Variants in ESRRG observed in about 807,000 individuals in gnomAD.
ESRRG encodes estrogen-related receptor gamma.
In ESRRG, 13 loss-of-function variants were observed where a neutral mutation model predicts 44.0. The observed-to-expected ratio is 0.30, with a 90% CI of 0.19 to 0.47. The LOEUF is 0.47. ESRRG is among the 20% of genes least tolerant of loss of function. The probability of loss-of-function intolerance (pLI) is 1.00; values close to 1 mark genes in which losing one functional copy is unlikely to be tolerated. For synonymous variants in ESRRG, 215 were observed against 214.6 expected, an observed-to-expected ratio of 1.00 and a Z score of -0.02; for missense variants, 395 against 580.6, an observed-to-expected ratio of 0.68 and a Z score of 3.29.
intron 5 of ESRRG, among the ~76,000 whole-genome samples, chr1:216,545,862 G>A (rs1298445349): frequency 2.0e-5 from 3 of 151,766 alleles, no homozygotes; most frequent in African/African-American, 2.4e-5. Context: ...TGTACTGCTC[G>A]GTCACAGAGT....
intron 2 of ESRRG, among the ~76,000 whole-genome samples, chr1:216,747,128 C>G (rs187299782): frequency 6.6e-6 from 1 of 152,146 alleles, no homozygotes; most frequent in African/African-American, 2.4e-5. Context: ...CACCCCTAAT[C>G]TGATTTTACC....
At chr1:216,855,752 G>A (rs1002697016) in intron 2 of ESRRG, among the ~76,000 whole-genome samples, 1 of 152,134 alleles carries the variant, frequency 6.6e-6, no homozygotes, top group Admixed American at 6.5e-5. Flanking sequence ...CGAGATAAAT[G>A]CAGCTGCAAA....
At chr1:217,044,417 C>T (rs1037817002) in intron 1 of ESRRG, among the ~76,000 whole-genome samples, 21 of 152,110 alleles carry the variant, frequency 1.4e-4, no homozygotes, top group African/African-American at 4.3e-4. Flanking sequence ...CAATTGTATC[C>T]CATTGCAAGT....
At chr1:216,718,152 G>A (rs898904273) in intron 1 of ESRRG, among the ~76,000 whole-genome samples, 5 of 151,868 alleles carry the variant, frequency 3.3e-5, no homozygotes, top group African/African-American at 1.2e-4. Context: ...AATCAGATCT[G>A]TAAATACCTG....
At chr1:216,948,476 C>CAAAAAAAA (rs5780948) in intron 1 of ESRRG, among the ~76,000 whole-genome samples, 1 of 103,388 alleles carries the variant, frequency 9.7e-6, no homozygotes. Context: ...GACTCCATCT[C>CAAAAAAAA]AAAAAAAAAA....
chr1:216,611,979 G>A (rs2060741644), intron 3 of ESRRG, among the ~76,000 whole-genome samples: 1 of 152,152 alleles, frequency 6.6e-6, no homozygotes, highest in South Asian at 2.1e-4. Flanking sequence ...CCTAAAGAAG[G>A]CTAGGGAGAG....
intron 2 of ESRRG, among the ~76,000 whole-genome samples, chr1:216,824,072 G>A (rs560557335): frequency 1.3e-5 from 2 of 152,256 alleles, no homozygotes; most frequent in Admixed American, 6.5e-5. Context: ...TCTGTAAAAT[G>A]ACTTTCTTTC....
intron 1 of ESRRG, among the ~76,000 whole-genome samples, chr1:216,996,034 C>CA (rs907013949): frequency 3.9e-4 from 57 of 147,488 alleles, no homozygotes; most frequent in East Asian, 1.2e-3. Context: ...CTTTTATTAA[C>CA]AAAAAAAAAA....
At chr1:216,975,514 G>T (rs932184212) in intron 1 of ESRRG, among the ~76,000 whole-genome samples, 1 of 152,202 alleles carries the variant, frequency 6.6e-6, no homozygotes, top group Non-Finnish European at 1.5e-5. Context: ...GAAAATCTTG[G>T]AGGGCCCTTC....
chr1:217,115,991 A>C (rs1256203772), intron 1 of ESRRG, among the ~76,000 whole-genome samples: 1 of 152,176 alleles, frequency 6.6e-6, no homozygotes, highest in Non-Finnish European at 1.5e-5. Context: ...CTAACTTCCA[A>C]TCCAAAGACT....
At chr1:216,856,546 C>T (rs191825902) in intron 2 of ESRRG, among the ~76,000 whole-genome samples, 1,652 of 152,318 alleles carry the variant, frequency 0.011, 15 homozygotes, top group Non-Finnish European at 0.016. Flanking sequence ...ACCAAATCCA[C>T]TCCTTATTGA....
rs2047706220 is a variant in ESRRG at position 216,526,512 on chromosome 1, C to T, written c.863-7091G>A. On this transcript the variant is annotated intron_variant, in intron 5 of 6. Coordinates refer to ENST00000408911, the MANE Select transcript of ESRRG (RefSeq NM_001438.4). ...CATGGACCAGACTAGCCTGCAGAGC[C>T]CGCAGAAGGAACCCAAACCTCCTGC... 2.0e-5 allele frequency among the ~76,000 whole-genome samples: 3 copies of T among 152,112 alleles called. No individual in the cohort carries two copies. The South Asian group carries it at 6.2e-4, about 32-fold the overall frequency.
chr1:216,729,672 C>T (rs1273888163), intron 2 of ESRRG, among the ~76,000 whole-genome samples: 1 of 152,138 alleles, frequency 6.6e-6, no homozygotes, highest in Non-Finnish European at 1.5e-5. Flanking sequence ...TGCTGACTCT[C>T]CAGAGAATTC....
At chr1:217,053,140 A>AAAAAAAAAAAAAAAAAAACAAAAAAC (rs2086386149) in intron 1 of ESRRG, among the ~76,000 whole-genome samples, 1 of 150,338 alleles carries the variant, frequency 6.7e-6, no homozygotes, top group African/African-American at 2.4e-5. Context: ...TCTTAAAAAA[A>AAAAAAAAAAAAAAAAAAACAAAAAAC]AAAAAAAAAA....
At chr1:216,836,716 G>A (rs997741853) in intron 2 of ESRRG, among the ~76,000 whole-genome samples, 2 of 152,144 alleles carry the variant, frequency 1.3e-5, no homozygotes, top group Admixed American at 6.5e-5. Flanking sequence ...ACAATGAGTC[G>A]TGGCGGCAGA....
intron 1 of ESRRG, among the ~76,000 whole-genome samples, chr1:216,691,569 AT>A (rs1297510070): frequency 1.6e-4 from 25 of 152,328 alleles, no homozygotes; most frequent in African/African-American, 6.0e-4. Flanking sequence ...AGCATTTAGT[AT>A]TAAGGAGAAA....
At chr1:216,529,540 G>A (rs1255544125) in intron 5 of ESRRG, among the ~76,000 whole-genome samples, 2 of 152,076 alleles carry the variant, frequency 1.3e-5, no homozygotes, top group African/African-American at 2.4e-5. Context: ...AAAGAGATAG[G>A]CATGCCTCTA....
intron 2 of ESRRG, among the ~76,000 whole-genome samples, chr1:216,854,690 T>C (rs1399368711): frequency 6.6e-6 from 1 of 152,194 alleles, no homozygotes; most frequent in Admixed American, 6.5e-5. Context: ...TCTTGGCTGA[T>C]GGATACCAGA....
At chr1:216,905,110 G>A (rs1466806438) in intron 2 of ESRRG, among the ~76,000 whole-genome samples, 1 of 152,094 alleles carries the variant, frequency 6.6e-6, no homozygotes, top group Admixed American at 6.6e-5. Flanking sequence ...AATACTACAG[G>A]GACGGAACTT....
Sources: allele counts gnomAD v4.1 joint callset (sites outside exome capture counted in the v4.1 genomes callset), GRCh38; gene constraint gnomAD v4.1.1; transcripts MANE v1.5; gene names NCBI Gene and HGNC (gene_info 2026-07-23, HGNC 2026-07-21).